The following IQGAP2 variants were observed in gnomAD, a reference collection of about 807,000 sequenced individuals.
The protein encoded by IQGAP2 is ras GTPase-activating-like protein IQGAP2.
IQGAP2 carries 173 observed loss-of-function variants against 201.3 expected under a neutral mutation model. The ratio of observed to expected loss-of-function variants is 0.86; its 90% CI spans 0.76 to 0.98. IQGAP2 has a LOEUF of 0.98. Among genes scored for constraint, IQGAP2 ranks in the 50% least tolerant of loss-of-function variants. The pLI is 0.00. For synonymous variants in IQGAP2, 675 were observed against 673.9 expected (o/e 1.00, Z -0.03); for missense variants, 1,687 against 1,864.8 (o/e 0.90, Z 1.76).
intron 35 of IQGAP2, among the ~76,000 whole-genome samples, chr5:76,703,160 TG>T (rs113446098): frequency 0.29 from 2,033 of 6,994 alleles, 60 homozygotes; most frequent in East Asian, 0.39. Context: ...GGGGAGGGGG[TG>T]GGGGGGGGCA....
At chr5:76,444,578 C>G (rs563257406) in intron 1 of IQGAP2, among the ~76,000 whole-genome samples, 1 of 152,150 alleles carries the variant, frequency 6.6e-6, no homozygotes, top group East Asian at 1.9e-4. Context: ...GGATTACAGG[C>G]GTGAGCCACT....
At chr5:76,675,239 TACAA>T (rs1264166660) in intron 27 of IQGAP2, among the ~76,000 whole-genome samples, 1 of 152,168 alleles carries the variant, frequency 6.6e-6, no homozygotes, top group Non-Finnish European at 1.5e-5. Context: ...AACCCACATA[TACAA>T]ACAGATGACT....
At chr5:76,462,631 T>C (rs1009705140) in intron 2 of IQGAP2, among the ~76,000 whole-genome samples, 1 of 152,192 alleles carries the variant, frequency 6.6e-6, no homozygotes, top group Non-Finnish European at 1.5e-5. Flanking sequence ...CTCTTAGCTA[T>C]ATAGAAATAA....
intron 1 of IQGAP2, among the ~76,000 whole-genome samples, chr5:76,433,806 C>T (rs898795986): frequency 9.9e-5 from 15 of 152,122 alleles, no homozygotes; most frequent in African/African-American, 3.1e-4. Context: ...TTTTATGTCA[C>T]GGCTGATTCT....
intron 23 of IQGAP2, among the ~76,000 whole-genome samples, chr5:76,669,688 G>T (rs978728044): frequency 6.6e-6 from 1 of 152,146 alleles, no homozygotes; most frequent in Non-Finnish European, 1.5e-5. Context: ...CATGGGCATA[G>T]GTCCCAGGAG....
At chr5:76,589,776 G>A (rs1472629235) in intron 7 of IQGAP2, 48 bp downstream of exon 7, 1 of 935,156 alleles carries the variant, frequency 1.1e-6, no homozygotes, top group Non-Finnish European at 1.6e-6. Flanking sequence ...AGACTTACCT[G>A]TACTTTACCT....
At chr5:76,582,995 G>C (rs1347305850) in intron 5 of IQGAP2, among the ~76,000 whole-genome samples, 1 of 152,170 alleles carries the variant, frequency 6.6e-6, no homozygotes, top group African/African-American at 2.4e-5. Context: ...TGGTGTGGTA[G>C]GAGGCTTGCT....
rs780938080 is a variant in IQGAP2, at chr5:76,496,757, C to CTT, written c.146+35090_146+35091dup. Among the ~76,000 whole-genome samples the CTT allele has an allele frequency of 2.1e-3, 163 of 79,316 alleles. 5 individuals carry two copies. Among genetic ancestry groups the CTT allele is most frequent in the African/African-American group, 0.01 (145 of 14,330 alleles). The allele number at this position is 79,316 out of a possible 152,430, so 52.0% of individuals were successfully genotyped here. A position where few individuals can be genotyped will look rare whatever the true frequency, so the allele number is the denominator to read the frequency against. On this transcript the variant is annotated intron_variant, in intron 2 of 35. Transcript: ENST00000274364. ...TCTTTCTTTCTTTCTTTCTTTCTTT[C>CTT]TTTCTTTCTTTCTTTCTTTCTTTCT...
At chr5:76,689,967 A>G (rs1055188728) in intron 30 of IQGAP2, among the ~76,000 whole-genome samples, 3 of 152,172 alleles carry the variant, frequency 2.0e-5, no homozygotes, top group Non-Finnish European at 4.4e-5. Flanking sequence ...TCATTTATCT[A>G]CAGTGGGGTT....
chr5:76,450,422 G>A (rs1753668412), intron 1 of IQGAP2, among the ~76,000 whole-genome samples: 1 of 152,130 alleles, frequency 6.6e-6, no homozygotes, highest in Admixed American at 6.6e-5. Flanking sequence ...ACCAAGAATA[G>A]TTTTAAATAC....
At chr5:76,658,128 C>T (rs1230234336) in intron 20 of IQGAP2, among the ~76,000 whole-genome samples, 3 of 152,140 alleles carry the variant, frequency 2.0e-5, no homozygotes, top group East Asian at 3.9e-4. Flanking sequence ...AACTTTCTTT[C>T]CCAGGTTCCT....
chr5:76,666,658 T>A lies in IQGAP2; in HGVS notation c.2679+1483T>A, dbSNP rs528223723. 5.4e-3 allele frequency among the ~76,000 whole-genome samples: 816 copies of A among 152,368 alleles called. 3 individuals carry two copies. The highest frequency in any genetic ancestry group is 0.011 in the Admixed American group (175 of 15,308). The stretch of plus-strand genomic sequence containing the variant: ...ATATATTTTTCTTCTCCTTCTCTTC[T>A]TTTGAGGCGTTAGCCCAATATCACT... On this transcript the variant is annotated intron_variant, in intron 22 of 35. Transcript: ENST00000274364.
chr5:76,551,638 C>G (rs62361991), intron 2 of IQGAP2, among the ~76,000 whole-genome samples: 21,995 of 142,120 alleles, frequency 0.15, 1,755 homozygotes, highest in Admixed American at 0.28. Flanking sequence ...AGATCACTCG[C>G]GGTCCAGAGC....
At position 76,541,634 on chromosome 5, in the gene IQGAP2, A is replaced by G. The variant is rs1027737824; in HGVS notation, c.147-20762A>G. 5.9e-5 allele frequency among the ~76,000 whole-genome samples: 9 copies of G among 152,324 alleles called. No individual in the cohort carries two copies. The East Asian group carries it at 1.7e-3, about 29-fold the overall frequency. ...TTCCACAGTGGCTGCCCCATCTTAC[A>G]TTCCCACTAACAGTTCATAAGTGTT... On this transcript the variant is annotated intron_variant, in intron 2 of 35. Coordinates refer to ENST00000274364, the MANE Select transcript of IQGAP2 (RefSeq NM_006633.5).
In IQGAP2 at chr5:76,695,835, C is replaced by CTTTTTTTTT. The variant is rs56984768; in HGVS notation, c.4206+184_4206+192dup. 3.0e-3 allele frequency among the ~76,000 whole-genome samples: 252 copies of CTTTTTTTTT among 83,070 alleles called. 2 individuals carry two copies. The highest frequency in any genetic ancestry group is 3.7e-3 in the African/African-American group (73 of 19,526). The allele number at this position is 83,070 out of a possible 152,430, so 54.5% of individuals were successfully genotyped here. ...TTCAAGGTTTCAAAGCAGTTGATGA[C>CTTTTTTTTT]TTTTTTTTTTTTTTTTTTTTTTTGA... On this transcript the variant is annotated intron_variant, in intron 32 of 35. Coordinates refer to ENST00000274364, the MANE Select transcript of IQGAP2 (RefSeq NM_006633.5).
At chr5:76,452,258 A>G (rs944704993) in intron 1 of IQGAP2, among the ~76,000 whole-genome samples, 1 of 120,062 alleles carries the variant, frequency 8.3e-6, no homozygotes, top group African/African-American at 3.2e-5. Context: ...TGTTTTTATT[A>G]TACTTTAAGT....
intron 20 of IQGAP2, among the ~76,000 whole-genome samples, chr5:76,656,719 G>A (rs1228510489): frequency 6.6e-6 from 1 of 150,518 alleles, no homozygotes; most frequent in Non-Finnish European, 1.5e-5. Context: ...TAAAATCTAG[G>A]CAACTTTATA....
intron 1 of IQGAP2, among the ~76,000 whole-genome samples, chr5:76,452,175 C>T (rs573890073): frequency 2.9e-4 from 43 of 147,338 alleles, no homozygotes; most frequent in South Asian, 1.1e-3. Context: ...GTGATCTACC[C>T]GAGTGCTGGG....
At chr5:76,617,639 G>A in intron 13 of IQGAP2, 1 of 1,613,884 alleles carries the variant, frequency 6.2e-7, no homozygotes, top group African/African-American at 1.3e-5. Context: ...GAAAATAAAG[G>A]AATGGATCTA....
Sources: allele counts gnomAD v4.1 joint callset (sites outside exome capture counted in the v4.1 genomes callset), GRCh38; gene constraint gnomAD v4.1.1; transcripts MANE v1.5; gene names NCBI Gene and HGNC (gene_info 2026-07-23, HGNC 2026-07-21).